The following KIF13A variants were observed in gnomAD, a reference collection of about 807,000 sequenced individuals.
KIF13A encodes kinesin-like protein KIF13A.
A neutral mutation model predicts 212.2 loss-of-function variants in KIF13A; 79 were observed. The observed-to-expected ratio is 0.37, with a 90% CI of 0.31 to 0.45. The LOEUF (loss-of-function observed/expected upper bound fraction) is 0.45, where lower values mean the gene tolerates loss of function less well. Ranked by LOEUF, KIF13A falls within the 20% of genes least tolerant of loss-of-function variation. The pLI is 1.00. For missense variants in KIF13A, 1,901 were observed against 2,209.0 expected (o/e 0.86, Z 2.79); for synonymous variants, 789 against 808.6 (o/e 0.98, Z 0.41).
chr6:17,854,847 C>G (rs1768002309), intron 6 of KIF13A, among the ~76,000 whole-genome samples: 5 of 151,994 alleles, frequency 3.3e-5, no homozygotes, highest in Admixed American at 2.6e-4. Flanking sequence ...GTCACTGTAC[C>G]CGGCCCCAAA....
intron 17 of KIF13A, among the ~76,000 whole-genome samples, chr6:17,813,927 G>A (rs1337011368): frequency 2.0e-5 from 3 of 150,312 alleles, no homozygotes; most frequent in East Asian, 3.9e-4. Flanking sequence ...GGTATAAATG[G>A]TCTATAGATG....
intron 2 of KIF13A, among the ~76,000 whole-genome samples, chr6:17,958,241 A>G (rs1184388306): frequency 6.6e-6 from 1 of 152,242 alleles, no homozygotes. Flanking sequence ...TACTATCGCT[A>G]GATGATCATC....
rs1170585483 is a variant in KIF13A, at chr6:17,898,934, C to A, written c.147-754G>T. 1.3e-5 allele frequency among the ~76,000 whole-genome samples: 2 copies of A among 152,094 alleles called. No homozygotes were observed. Among genetic ancestry groups the A allele is most frequent in the East Asian group, 1.9e-4 (1 of 5,180 alleles). On this transcript the variant is annotated intron_variant, in intron 2 of 38. Coordinates refer to ENST00000259711, the MANE Select transcript of KIF13A (RefSeq NM_022113.6). This position sits in a 1 kb window ranked among gnomAD's most constrained non-coding sequence, Gnocchi z 5.2. ...CAGTGCAACCTTGAACTCCTGGGCT[C>A]AACTGATCCTCCTACCTCAGCCTCC... is the stretch of plus-strand genomic sequence containing the variant.
At chr6:17,955,682 T>C (rs946000330) in intron 2 of KIF13A, among the ~76,000 whole-genome samples, 1 of 152,214 alleles carries the variant, frequency 6.6e-6, no homozygotes, top group Non-Finnish European at 1.5e-5. Context: ...GAAGACAAAG[T>C]CATGGTTTAC....
rs749992718 is a variant in KIF13A at position 17,800,026 on chromosome 6, T to G, written c.2542A>C (p.Ser848Arg). 6.2e-7 allele frequency: 1 copy of G among 1,614,034 alleles called. No individual in the cohort carries two copies. The highest frequency in any genetic ancestry group is 1.3e-5 in the African/African-American group (1 of 75,054). Residue 848 changes from serine to arginine, a missense_variant, in exon 21 of 39, where the codon AGT (serine) becomes CGT (arginine). Transcript: ENST00000259711. Reference sequence around the variant, plus strand: ...ACGACTTCAAGGCTCCCACTTTCACTGGAATTCTCCGAAGAGTCATCCTCC... The same window carrying G: ...ACGACTTCAAGGCTCCCACTTTCACGGGAATTCTCCGAAGAGTCATCCTCC... Reference protein sequence around the residue: ...VVEDDSSENSSESGSLEVVDS... With the variant: ...VVEDDSSENSRESGSLEVVDS...
intron 2 of KIF13A, among the ~76,000 whole-genome samples, chr6:17,976,801 C>CA (rs998413837): frequency 0.032 from 3,124 of 98,644 alleles, 49 homozygotes; most frequent in South Asian, 0.047. Flanking sequence ...GACTCCATCT[C>CA]AAAAAAAAAA....
chr6:17,823,769 A>AT, intron 16 of KIF13A, among the ~76,000 whole-genome samples: 1 of 150,038 alleles, frequency 6.7e-6, no homozygotes, highest in East Asian at 2.0e-4. Flanking sequence ...TGCCTGGCTA[A>AT]TTTCTGTATT....
At chr6:17,853,726 A>G (rs1767882289) in intron 6 of KIF13A, among the ~76,000 whole-genome samples, 1 of 152,232 alleles carries the variant, frequency 6.6e-6, no homozygotes, top group Non-Finnish European at 1.5e-5. Flanking sequence ...AAGAACACAT[A>G]TATTATGATG....
At chr6:17,806,800 AC>A (rs1225092238) in intron 18 of KIF13A, among the ~76,000 whole-genome samples, 2 of 152,106 alleles carry the variant, frequency 1.3e-5, no homozygotes, top group African/African-American at 4.8e-5. Flanking sequence ...AATCACTTGA[AC>A]CCGGGAGGCG....
At chr6:17,940,735 T>G (rs768662692) in intron 2 of KIF13A, among the ~76,000 whole-genome samples, 7 of 152,248 alleles carry the variant, frequency 4.6e-5, no homozygotes, top group Non-Finnish European at 8.8e-5. Context: ...GTTACACATT[T>G]TCCCCCATAA....
intron 4 of KIF13A, 39 bp downstream of exon 4, chr6:17,873,338 C>T (rs1230796092): frequency 1.4e-6 from 2 of 1,414,690 alleles, no homozygotes; most frequent in African/African-American, 1.4e-5. Flanking sequence ...AAGAAGAGGC[C>T]AGAAGCCCAA....
intron 3 of KIF13A, among the ~76,000 whole-genome samples, chr6:17,896,826 T>C (rs1177266595): frequency 6.6e-6 from 1 of 152,198 alleles, no homozygotes; most frequent in Non-Finnish European, 1.5e-5. Flanking sequence ...AGTTGCGCAG[T>C]ATTTCACTGG....
rs879560625 is a variant in KIF13A at position 17,977,666 on chromosome 6, G to A, written c.146+9388C>T. On this transcript the variant is annotated intron_variant, in intron 2 of 38. Coordinates refer to ENST00000259711, the MANE Select transcript of KIF13A (RefSeq NM_022113.6). ...GGGCAAGGACAAAATAAAGGTAGAG[G>A]AAAAATAAGAATAACTGATTTGTTT... Among the ~76,000 whole-genome samples the A allele has an allele frequency of 2.6e-5, 4 of 152,264 alleles. No individual in the cohort carries two copies. In the South Asian group the frequency reaches 8.3e-4, roughly 32 times the overall value.
chr6:17,814,198 G>A (rs1179466553), intron 17 of KIF13A, among the ~76,000 whole-genome samples: 3 of 148,230 alleles, frequency 2.0e-5, no homozygotes, highest in Non-Finnish European at 4.4e-5. Context: ...TGATCTGCCC[G>A]CCTTGGCCTC....
At chr6:17,848,558 C>CTTTTTTTTTTTTT (rs66477046) in intron 9 of KIF13A, among the ~76,000 whole-genome samples, 1 of 68,856 alleles carries the variant, frequency 1.5e-5, no homozygotes, top group South Asian at 7.2e-4. Context: ...ACTCGTACAT[C>CTTTTTTTTTTTTT]TTTTTTTTTT....
chr6:17,794,793 C>G lies in KIF13A; in HGVS notation c.2943-89G>C. 21 of 1,348,172 alleles carry G rather than the reference C, an allele frequency of 1.6e-5. No individual in the cohort carries two copies. Among genetic ancestry groups the G allele is most frequent in the Non-Finnish European group, 1.8e-5 (18 of 983,244 alleles). 83.5% of individuals were successfully genotyped at this position (1,348,172 alleles called of 1,614,324 possible). ...TAAGCCACCATTCACTGAGCACTTA[C>G]TATGTGCTAGGCACTGTGCCATTTA... On this transcript the variant is annotated intron_variant, in intron 23 of 38. Coordinates refer to ENST00000259711, the MANE Select transcript of KIF13A (RefSeq NM_022113.6). This position sits in a 1 kb window ranked among gnomAD's most constrained non-coding sequence, Gnocchi z 4.1.
chr6:17,788,595 T>A (rs1476133128), intron 26 of KIF13A, among the ~76,000 whole-genome samples: 3 of 152,230 alleles, frequency 2.0e-5, no homozygotes, highest in African/African-American at 7.2e-5. Flanking sequence ...CGTGGAATTA[T>A]GAGTAGGGAA....
At chr6:17,976,520 G>C (rs1266149310) in intron 2 of KIF13A, among the ~76,000 whole-genome samples, 2 of 152,198 alleles carry the variant, frequency 1.3e-5, no homozygotes, top group Non-Finnish European at 1.5e-5. Context: ...CAGAACTCCA[G>C]CTGGCCCGCA....
At chr6:17,974,376 C>T (rs982459348) in intron 2 of KIF13A, among the ~76,000 whole-genome samples, 1 of 152,144 alleles carries the variant, frequency 6.6e-6, no homozygotes, top group Non-Finnish European at 1.5e-5. Flanking sequence ...CTGCGCCCGG[C>T]GGGAACCTCG....
Sources: allele counts gnomAD v4.1 joint callset (sites outside exome capture counted in the v4.1 genomes callset), GRCh38; gene constraint gnomAD v4.1.1; non-coding constraint Gnocchi (gnomAD v3.1); transcripts MANE v1.5; gene names NCBI Gene and HGNC (gene_info 2026-07-23, HGNC 2026-07-21).